Variants in SDCCAG8 observed in about 807,000 individuals in gnomAD.
SDCCAG8 encodes the protein serologically defined colon cancer antigen 8.
A neutral mutation model predicts 101.8 loss-of-function variants in SDCCAG8; 74 were observed. The ratio of observed to expected loss-of-function variants is 0.73; its 90% CI spans 0.60 to 0.88. SDCCAG8 has a LOEUF of 0.88. SDCCAG8 is among the 40% of genes least tolerant of loss of function. The pLI is 0.00. For missense variants in SDCCAG8, 787 were observed against 822.6 expected, an observed-to-expected ratio of 0.96 and a Z score of 0.53; for synonymous variants, 281 against 292.9, an observed-to-expected ratio of 0.96 and a Z score of 0.41.
chr1:243,423,740 A>AT (rs1315200849), intron 15 of SDCCAG8, among the ~76,000 whole-genome samples: 1 of 152,126 alleles, frequency 6.6e-6, no homozygotes, highest in Non-Finnish European at 1.5e-5. Context: ...AAGAAGTGAG[A>AT]TTTTTTTAAA....
In SDCCAG8 at chr1:243,341,065, C is replaced by G; in HGVS notation, c.1248C>G (p.Ala416=). 2 of 1,613,732 alleles carry G rather than the reference C, an allele frequency of 1.2e-6. No individual in the cohort carries two copies. Among genetic ancestry groups the G allele is most frequent in the Non-Finnish European group, 1.7e-6 (2 of 1,179,664 alleles). ...TGTTGATCTTGTCTCAGAATATTGC[C>G]CAACTGGAGGCCCAGGTGGAAAAGG... ...SKMLILSQNI[A]QLEAQVEKVT... The change falls in exon 11 of 18, where the codon GCC becomes GCG. Residue 416 remains alanine, a synonymous_variant. Transcript: ENST00000366541.
chr1:243,355,288 C>T, intron 12 of SDCCAG8, among the ~76,000 whole-genome samples: 1 of 151,382 alleles, frequency 6.6e-6, no homozygotes. Context: ...TAAAATCTCT[C>T]TACTTACAAC....
intron 16 of SDCCAG8, among the ~76,000 whole-genome samples, chr1:243,435,909 A>G (rs2082098108): frequency 6.6e-6 from 1 of 152,114 alleles, no homozygotes; most frequent in Non-Finnish European, 1.5e-5. Context: ...TTTTAGGTTC[A>G]CAGCAAAATT....
At chr1:243,483,098 G>T (rs1664073120) in intron 16 of SDCCAG8, among the ~76,000 whole-genome samples, 1 of 152,212 alleles carries the variant, frequency 6.6e-6, no homozygotes, top group Non-Finnish European at 1.5e-5. Context: ...CAAAACGACA[G>T]TCGCCCTGAA....
chr1:243,357,153 G>T (rs1206407420), intron 12 of SDCCAG8, among the ~76,000 whole-genome samples: 2 of 152,236 alleles, frequency 1.3e-5, no homozygotes, highest in Non-Finnish European at 2.9e-5. Flanking sequence ...GCCGAGGTGG[G>T]TGGATCATGA....
intron 16 of SDCCAG8, among the ~76,000 whole-genome samples, chr1:243,452,493 G>C (rs1242950405): frequency 1.5e-5 from 2 of 137,424 alleles, no homozygotes; most frequent in Non-Finnish European, 3.0e-5. Flanking sequence ...TGCAGTCACA[G>C]CTTACTGCAG....
At chr1:243,422,254 G>A (rs1249567044) in intron 15 of SDCCAG8, among the ~76,000 whole-genome samples, 1 of 152,184 alleles carries the variant, frequency 6.6e-6, no homozygotes, top group Non-Finnish European at 1.5e-5. Flanking sequence ...AACAATGGGA[G>A]TCCATGGGGT....
chr1:243,340,478 AAC>A (rs1275891094), intron 10 of SDCCAG8, among the ~76,000 whole-genome samples: 2 of 152,144 alleles, frequency 1.3e-5, no homozygotes, highest in African/African-American at 4.8e-5. Context: ...GCTGAGCTGA[AAC>A]CTACATGAGA....
chr1:243,293,044 T>C, intron 5 of SDCCAG8, 47 bp from the exon 6 acceptor site: 1 of 1,610,070 alleles, frequency 6.2e-7, no homozygotes. Context: ...TATGCATGTT[T>C]ATTTAAAGTT....
chr1:243,267,626 G>T, intron 1 of SDCCAG8: 1 of 650,832 alleles, frequency 1.5e-6, no homozygotes, highest in Non-Finnish European at 2.8e-6. Flanking sequence ...AAAAAGTCCC[G>T]GTCAACTGTG....
chr1:243,319,376 T>C (rs972958323), intron 9 of SDCCAG8, among the ~76,000 whole-genome samples: 1 of 152,190 alleles, frequency 6.6e-6, no homozygotes, highest in South Asian at 2.1e-4. Context: ...TTTTTATTTT[T>C]ATTATCATTT....
At chr1:243,343,283 A>G (rs1038577667) in intron 11 of SDCCAG8, among the ~76,000 whole-genome samples, 2 of 152,230 alleles carry the variant, frequency 1.3e-5, no homozygotes, top group African/African-American at 2.4e-5. Flanking sequence ...TAAGAGCCAT[A>G]TATTTGTAAA....
At chr1:243,351,478 G>A (rs1303326486) in intron 12 of SDCCAG8, among the ~76,000 whole-genome samples, 1 of 152,228 alleles carries the variant, frequency 6.6e-6, no homozygotes, top group Non-Finnish European at 1.5e-5. Context: ...GCAAATTAAT[G>A]TAGTGTGAAC....
intron 1 of SDCCAG8, among the ~76,000 whole-genome samples, chr1:243,259,280 G>A (rs1293755783): frequency 6.6e-6 from 1 of 151,830 alleles, no homozygotes; most frequent in East Asian, 1.9e-4. Flanking sequence ...GGTGGCGGGC[G>A]CCTGTAGTCC....
intron 12 of SDCCAG8, among the ~76,000 whole-genome samples, chr1:243,350,091 G>A (rs967052483): frequency 2.0e-5 from 3 of 152,196 alleles, no homozygotes; most frequent in African/African-American, 7.2e-5. Flanking sequence ...AAGGACACAG[G>A]AATTATCGCC....
chr1:243,290,185 C>G (rs1371424232), intron 5 of SDCCAG8, among the ~76,000 whole-genome samples: 1 of 149,700 alleles, frequency 6.7e-6, no homozygotes, highest in Non-Finnish European at 1.5e-5. Flanking sequence ...GTTTTCATCC[C>G]CTGTCTTACC....
intron 16 of SDCCAG8, among the ~76,000 whole-genome samples, chr1:243,437,599 C>A (rs1465660124): frequency 6.8e-6 from 1 of 147,942 alleles, no homozygotes; most frequent in Non-Finnish European, 1.5e-5. Flanking sequence ...TGCAGTGGTG[C>A]CATCTCGGCT....
At chr1:243,356,383 T>C (rs1031023361) in intron 12 of SDCCAG8, among the ~76,000 whole-genome samples, 8 of 117,894 alleles carry the variant, frequency 6.8e-5, no homozygotes, top group Non-Finnish European at 9.7e-5. Flanking sequence ...GAATTATCTT[T>C]AGTTATAAAA....
intron 12 of SDCCAG8, among the ~76,000 whole-genome samples, chr1:243,377,035 C>T (rs541688587): frequency 6.6e-6 from 1 of 152,256 alleles, no homozygotes; most frequent in East Asian, 1.9e-4. Flanking sequence ...CATCTGGCTA[C>T]TGAGGCATGA....
Sources: gnomAD v4.1 joint callset for allele counts (sites outside exome capture counted in the v4.1 genomes callset) on GRCh38, gnomAD v4.1.1 for gene constraint, MANE v1.5 for transcripts, NCBI Gene and HGNC (gene_info 2026-07-23, HGNC 2026-07-21) for gene names.